Variants in CSNK1G1 observed in about 807,000 individuals in gnomAD.
The protein encoded by CSNK1G1 is casein kinase I isoform gamma-1.
In CSNK1G1, 22 loss-of-function variants were observed where a neutral mutation model predicts 59.6. The observed-to-expected ratio is 0.37, with a 90% confidence interval of 0.26 to 0.53. The LOEUF (loss-of-function observed/expected upper bound fraction) is 0.53. Among genes scored for constraint, CSNK1G1 ranks in the 20% least tolerant of loss-of-function variants. The pLI, the probability that CSNK1G1 is intolerant of heterozygous loss-of-function variation, is 0.89. For synonymous variants in CSNK1G1, 179 were observed against 177.1 expected, an observed-to-expected ratio of 1.01 and a Z score of -0.08; for missense variants, 384 against 519.5, an observed-to-expected ratio of 0.74 and a Z score of 2.54.
chr15:64,293,528 C>A (rs1285339196), intron 2 of CSNK1G1, among the ~76,000 whole-genome samples: 1 of 152,200 alleles, frequency 6.6e-6, no homozygotes, highest in Non-Finnish European at 1.5e-5. Flanking sequence ...GGAGGGCAAA[C>A]TGACAATGTG....
intron 11 of CSNK1G1, among the ~76,000 whole-genome samples, chr15:64,177,126 G>C (rs1045311001): frequency 6.6e-6 from 1 of 152,176 alleles, no homozygotes; most frequent in Non-Finnish European, 1.5e-5. Flanking sequence ...CAAAACCTAA[G>C]ACCCTGTTAT....
At chr15:64,209,339 C>T (rs1172202430) in intron 6 of CSNK1G1, among the ~76,000 whole-genome samples, 1 of 152,170 alleles carries the variant, frequency 6.6e-6, no homozygotes, top group Non-Finnish European at 1.5e-5. Flanking sequence ...GAGAAAGCCA[C>T]TCAGCTAACT....
intron 10 of CSNK1G1, among the ~76,000 whole-genome samples, chr15:64,199,771 C>G (rs1211009315): frequency 6.6e-6 from 1 of 151,898 alleles, no homozygotes; most frequent in African/African-American, 2.4e-5. Flanking sequence ...GAGAGTTGCT[C>G]GAACCCGGGA....
intron 2 of CSNK1G1, among the ~76,000 whole-genome samples, chr15:64,275,730 T>A (rs1479980138): frequency 6.6e-6 from 1 of 152,064 alleles, no homozygotes; most frequent in Non-Finnish European, 1.5e-5. Flanking sequence ...TTTTAAAGAA[T>A]GTCTTGACCA....
chr15:64,262,609 G>A (rs1892754063), intron 2 of CSNK1G1, among the ~76,000 whole-genome samples: 1 of 152,168 alleles, frequency 6.6e-6, no homozygotes, highest in Admixed American at 6.5e-5. Context: ...CCACTCTGAG[G>A]TATGTACCTG....
intron 6 of CSNK1G1, 135 bp downstream of exon 6, chr15:64,213,755 C>T: frequency 1.5e-6 from 1 of 656,546 alleles, no homozygotes; most frequent in Admixed American, 2.8e-5. Flanking sequence ...ATCTCAACTT[C>T]TCATGTATAA....
intron 2 of CSNK1G1, among the ~76,000 whole-genome samples, chr15:64,294,876 C>G (rs1894931562): frequency 7.2e-6 from 1 of 139,688 alleles, no homozygotes; most frequent in Non-Finnish European, 1.5e-5. Flanking sequence ...CGTGCCATTG[C>G]ACTCCAGCCT....
intron 4 of CSNK1G1, among the ~76,000 whole-genome samples, chr15:64,246,042 GT>G (rs1476690546): frequency 7.2e-5 from 11 of 152,130 alleles, no homozygotes; most frequent in African/African-American, 2.7e-4. Context: ...AGTGACTATA[GT>G]TAACAATAAT....
intron 1 of CSNK1G1, among the ~76,000 whole-genome samples, chr15:64,344,293 C>CA (rs1897829921): frequency 6.6e-6 from 1 of 152,152 alleles, no homozygotes; most frequent in Admixed American, 6.5e-5. Flanking sequence ...TCACCAGATG[C>CA]ATATTAAATT....
At chr15:64,220,883 T>G (rs536540119) in intron 4 of CSNK1G1, among the ~76,000 whole-genome samples, 1 of 152,270 alleles carries the variant, frequency 6.6e-6, no homozygotes, top group East Asian at 1.9e-4. Context: ...AAAAATTCTT[T>G]CAAGAGAGAT....
chr15:64,281,076 T>C (rs559939682), intron 2 of CSNK1G1, among the ~76,000 whole-genome samples: 1 of 152,146 alleles, frequency 6.6e-6, no homozygotes, highest in South Asian at 2.1e-4. Flanking sequence ...AGACGTGGTT[T>C]TACCGTGTTA....
intron 2 of CSNK1G1, among the ~76,000 whole-genome samples, chr15:64,273,730 T>TAAAAAA (rs780466407): frequency 9.2e-6 from 1 of 108,978 alleles, no homozygotes; most frequent in African/African-American, 3.3e-5. Flanking sequence ...GCTGATGAGC[T>TAAAAAA]AAAAAAAAAA....
chr15:64,229,859 C>CA (rs568587287), intron 4 of CSNK1G1, among the ~76,000 whole-genome samples: 24 of 94,622 alleles, frequency 2.5e-4, no homozygotes, highest in East Asian at 1.1e-3. Context: ...TGCAATACTA[C>CA]AAAAAAAAAT....
intron 11 of CSNK1G1, among the ~76,000 whole-genome samples, chr15:64,179,633 T>C (rs1012617979): frequency 6.6e-6 from 1 of 152,102 alleles, no homozygotes; most frequent in Non-Finnish European, 1.5e-5. Context: ...AAAAAAGTGG[T>C]AGAAATGCTG....
Position 64,355,999 on chromosome 15 carries a change from G to A in CSNK1G1, c.-236C>T, listed in dbSNP as rs1421609197. On this transcript the variant is annotated 5_prime_UTR_variant, in exon 1 of 12. Transcript: ENST00000303052. ...AGCCGGGCAGATACCTGGTCCAGCA[G>A]TGCTGCAAGGCGCAAATGAGGCGGG... is the stretch of plus-strand genomic sequence containing the variant. 1.3e-5 allele frequency: 2 copies of A among 151,960 alleles called. No homozygotes were observed. The highest frequency in any genetic ancestry group is 2.9e-5 in the Non-Finnish European group (2 of 68,256). The allele number at this position is 151,960 out of a possible 1,614,324, so 9.4% of individuals were successfully genotyped here.
In CSNK1G1 at chr15:64,273,493, T is replaced by C. The variant is rs1893439411; in HGVS notation, c.182-14252A>G. The stretch of plus-strand genomic sequence containing the variant: ...GCTAGATAAGTCTAATTTTTATTAC[T>C]TCTATTATTATAGCAGAGAAGAGGT... On this transcript the variant is annotated intron_variant, in intron 2 of 11. Coordinates refer to ENST00000303052, the MANE Select transcript of CSNK1G1 (RefSeq NM_022048.5). Among the ~76,000 whole-genome samples the C allele has an allele frequency of 2.0e-5, 3 of 152,154 alleles. No homozygotes were observed. The South Asian group carries it at 6.2e-4, about 32-fold the overall frequency.
At chr15:64,207,704 A>G (rs2082200463) in intron 6 of CSNK1G1, 110 bp from the exon 7 acceptor site, 2 of 736,904 alleles carry the variant, frequency 2.7e-6, no homozygotes, top group East Asian at 5.4e-5. Flanking sequence ...GGCTCTGCTT[A>G]CTAATTACTT....
chr15:64,203,730 C>A, intron 9 of CSNK1G1, among the ~76,000 whole-genome samples: 1 of 146,102 alleles, frequency 6.8e-6, no homozygotes, highest in South Asian at 2.1e-4. Context: ...ATTTCCTCCA[C>A]TGATATCTGT....
Position 64,300,788 on chromosome 15 carries a change from TA to T in CSNK1G1, c.-224-66del, listed in dbSNP as rs1596244313. ...TTTTGAAACAAATTCAGAAAGTCAC[TA>T]CCAATTAGAATGAATCCTATCCAAA... is the stretch of plus-strand genomic sequence containing the variant. On this transcript the variant is annotated intron_variant, in intron 1 of 11. Transcript: ENST00000303052. 5 of 1,010,832 alleles carry T rather than the reference TA, an allele frequency of 4.9e-6. No homozygotes were observed. In the East Asian group the frequency reaches 1.6e-4, roughly 32 times the overall value. The allele number at this position is 1,010,832 out of a possible 1,614,324, so 62.6% of individuals were successfully genotyped here. A position where few individuals can be genotyped will look rare whatever the true frequency, so the allele number is the denominator to read the frequency against.
Sources: gnomAD v4.1 joint callset for allele counts (sites outside exome capture counted in the v4.1 genomes callset) on GRCh38, gnomAD v4.1.1 for gene constraint, MANE v1.5 for transcripts, NCBI Gene and HGNC (gene_info 2026-07-23, HGNC 2026-07-21) for gene names.